The following PRKD1 variants were observed in gnomAD, a reference collection of about 807,000 sequenced individuals.
The protein encoded by PRKD1 is protein kinase D1.
PRKD1 carries 63 observed loss-of-function variants against 95.9 expected under a neutral mutation model. The observed-to-expected ratio is 0.66, with a 90% CI of 0.54 to 0.81. The LOEUF (loss-of-function observed/expected upper bound fraction) is 0.81. PRKD1 is among the 30% of genes least tolerant of loss of function. The pLI, the probability that PRKD1 is intolerant of heterozygous loss-of-function variation, is 0.00. For synonymous variants in PRKD1, 425 were observed against 423.1 expected (o/e 1.00, Z -0.05); for missense variants, 1,048 against 1,165.3 (o/e 0.90, Z 1.47).
chr14:29,734,186 GTGCC>G, intron 1 of PRKD1, among the ~76,000 whole-genome samples: 1 of 151,606 alleles, frequency 6.6e-6, no homozygotes, highest in South Asian at 2.1e-4. Flanking sequence ...GGGATTACAG[GTGCC>G]CACCACACGC....
intron 1 of PRKD1, among the ~76,000 whole-genome samples, chr14:29,819,607 A>G (rs1890829405): frequency 6.6e-6 from 1 of 152,008 alleles, no homozygotes; most frequent in Non-Finnish European, 1.5e-5. Context: ...GGAGAATGGC[A>G]TGAACCCGGC....
chr14:29,694,965 G>T (rs1306657247), intron 2 of PRKD1, among the ~76,000 whole-genome samples: 3 of 152,168 alleles, frequency 2.0e-5, no homozygotes, highest in Non-Finnish European at 4.4e-5. Context: ...AGGCACGGTG[G>T]CTCACACCTG....
In PRKD1 at chr14:29,927,401, A is replaced by G; in HGVS notation, c.112T>C (p.Phe38Leu). The G allele has an allele frequency of 6.6e-7, 1 of 1,521,076 alleles. No homozygotes were observed. Among genetic ancestry groups the G allele is most frequent in the Non-Finnish European group, 8.8e-7 (1 of 1,136,498 alleles). The allele number at this position is 1,521,076 out of a possible 1,614,324, so 94.2% of individuals were successfully genotyped here. A position where few individuals can be genotyped will look rare whatever the true frequency, so the allele number is the denominator to read the frequency against. ...ACCGGGGCCGCGACAGGAGCCAAGA[A>G]CGGCGCGGGCCCGGGCCCGGACCCT... ...VPGSGPGPAP[F>L]LAPVAAPVGG... The change falls in exon 1 of 18, where the codon TTC becomes CTC. Residue 38 changes from phenylalanine (F) to leucine (L), a missense_variant. Transcript: ENST00000331968.
At chr14:29,812,186 G>A (rs1890516662) in intron 1 of PRKD1, among the ~76,000 whole-genome samples, 1 of 151,990 alleles carries the variant, frequency 6.6e-6, no homozygotes, top group Admixed American at 6.6e-5. Flanking sequence ...GAGTTACAAG[G>A]GATATCTTTG....
intron 1 of PRKD1, among the ~76,000 whole-genome samples, chr14:29,747,355 TAA>T (rs1887274641): frequency 6.6e-6 from 1 of 151,950 alleles, no homozygotes; most frequent in African/African-American, 2.4e-5. Flanking sequence ...GATAGAAGAG[TAA>T]AATAGTTCCA....
intron 1 of PRKD1, among the ~76,000 whole-genome samples, chr14:29,896,138 T>C (rs961668916): frequency 2.6e-5 from 4 of 152,168 alleles, no homozygotes; most frequent in African/African-American, 9.7e-5. Flanking sequence ...CTAAGTATTA[T>C]CCAAGTGAAT....
chr14:29,689,556 C>T (rs1884107469), intron 2 of PRKD1, among the ~76,000 whole-genome samples: 1 of 152,160 alleles, frequency 6.6e-6, no homozygotes, highest in South Asian at 2.1e-4. Flanking sequence ...TTATGGAAGA[C>T]AGTGTGGTGA....
chr14:29,674,403 A>G (rs1013040816), intron 2 of PRKD1, among the ~76,000 whole-genome samples: 1 of 152,214 alleles, frequency 6.6e-6, no homozygotes, highest in African/African-American at 2.4e-5. Context: ...ATCAATTAAC[A>G]GTTGGGAATT....
chr14:29,594,887 C>T (rs902786343), intron 16 of PRKD1, among the ~76,000 whole-genome samples: 1 of 152,124 alleles, frequency 6.6e-6, no homozygotes, highest in East Asian at 1.9e-4. Context: ...AGAACCTGGG[C>T]CAGTAACTAC....
chr14:29,728,178 T>C (rs1381464528), intron 1 of PRKD1, among the ~76,000 whole-genome samples: 3 of 151,678 alleles, frequency 2.0e-5, no homozygotes, highest in Admixed American at 1.3e-4. Flanking sequence ...AAAAGAAATA[T>C]CTCCAATAAT....
chr14:29,661,970 T>G (rs1229955700), intron 4 of PRKD1, among the ~76,000 whole-genome samples: 1 of 152,252 alleles, frequency 6.6e-6, no homozygotes, highest in African/African-American at 2.4e-5. Context: ...CAACATTTTA[T>G]GTAACGTATC....
At chr14:29,629,785 A>C (rs561380046) in intron 10 of PRKD1, among the ~76,000 whole-genome samples, 23 of 152,260 alleles carry the variant, frequency 1.5e-4, no homozygotes, top group Admixed American at 1.3e-3. Context: ...TCCTGGGATA[A>C]AGTGATCAAG....
chr14:29,728,137 G>A (rs1886254138), intron 1 of PRKD1, among the ~76,000 whole-genome samples: 1 of 151,186 alleles, frequency 6.6e-6, no homozygotes, highest in Non-Finnish European at 1.5e-5. Context: ...TTGTGCACAT[G>A]TACCCTAAAA....
intron 1 of PRKD1, among the ~76,000 whole-genome samples, chr14:29,740,249 T>C (rs1886927547): frequency 6.6e-6 from 1 of 152,186 alleles, no homozygotes; most frequent in Non-Finnish European, 1.5e-5. Flanking sequence ...TATAGCACAA[T>C]GAAGATTTTT....
chr14:29,809,561 A>G (rs1890393095), intron 1 of PRKD1, among the ~76,000 whole-genome samples: 1 of 152,180 alleles, frequency 6.6e-6, no homozygotes, highest in African/African-American at 2.4e-5. Flanking sequence ...TTGCACTTTT[A>G]TTTTATGGTG....
chr14:29,701,779 C>T (rs1425934655), intron 2 of PRKD1, among the ~76,000 whole-genome samples: 1 of 152,130 alleles, frequency 6.6e-6, no homozygotes, highest in Non-Finnish European at 1.5e-5. Context: ...GGTGATCCTT[C>T]ATGTTGGTAA....
chr14:29,927,108 G>C (rs893428702), intron 1 of PRKD1, 141 bp downstream of exon 1: 8 of 912,336 alleles, frequency 8.8e-6, no homozygotes, highest in Admixed American at 4.6e-5. Context: ...GCCGCGGCGG[G>C]GCCAGCCGCT....
chr14:29,765,765 G>A (rs1028253529), intron 1 of PRKD1, among the ~76,000 whole-genome samples: 1 of 152,116 alleles, frequency 6.6e-6, no homozygotes, highest in Non-Finnish European at 1.5e-5. Context: ...GTAAAAGCAA[G>A]TCATTAAAAC....
chr14:29,670,965 G>C (rs1882804222), intron 2 of PRKD1, among the ~76,000 whole-genome samples: 1 of 152,090 alleles, frequency 6.6e-6, no homozygotes, highest in East Asian at 1.9e-4. Context: ...AAAATGAAGG[G>C]AATCTCCATT....
Sources: gnomAD v4.1 joint callset for allele counts (sites outside exome capture counted in the v4.1 genomes callset) on GRCh38, gnomAD v4.1.1 for gene constraint, MANE v1.5 for transcripts, NCBI Gene and HGNC (gene_info 2026-07-23, HGNC 2026-07-21) for gene names.